Variants in MANBA observed in about 807,000 individuals in gnomAD.
MANBA encodes the protein beta-mannosidase.
Under a neutral mutation model 111.1 loss-of-function variants are expected in MANBA, and 83 were observed. That is an observed-to-expected ratio of 0.75 (90% CI 0.63 to 0.90). MANBA has a LOEUF of 0.90. Among genes scored for constraint, MANBA ranks in the 40% least tolerant of loss-of-function variants. The pLI, the probability that MANBA is intolerant of heterozygous loss-of-function variation, is 0.00. For missense variants in MANBA, 1,036 were observed against 1,069.0 expected, an observed-to-expected ratio of 0.97 and a Z score of 0.43; for synonymous variants, 370 against 378.7, an observed-to-expected ratio of 0.98 and a Z score of 0.27.
chr4:102,673,507 CA>C (rs879403766), intron 8 of MANBA, among the ~76,000 whole-genome samples: 1,382 of 112,360 alleles, frequency 0.012, 2 homozygotes, highest in African/African-American at 0.018. Flanking sequence ...GACTCCATCT[CA>C]AAAAAAAAAA....
At chr4:102,754,692 G>A (rs1385328993) in intron 1 of MANBA, among the ~76,000 whole-genome samples, 1 of 152,056 alleles carries the variant, frequency 6.6e-6, no homozygotes, top group East Asian at 1.9e-4. Context: ...GAGTAGCTGG[G>A]ACTACAGGTG....
intron 12 of MANBA, among the ~76,000 whole-genome samples, chr4:102,651,540 GA>G (rs1336059128): frequency 6.6e-6 from 1 of 152,126 alleles, no homozygotes; most frequent in African/African-American, 2.4e-5. Flanking sequence ...GGCTACATCT[GA>G]AAATATCCAG....
chr4:102,636,087 G>A, intron 14 of MANBA, 80 bp from the exon 15 acceptor site: 2 of 1,309,652 alleles, frequency 1.5e-6, no homozygotes, highest in South Asian at 2.4e-5. Flanking sequence ...GCTGTTTGTG[G>A]CTCATCGGGG....
intron 10 of MANBA, chr4:102,668,094 T>C (rs887690730): frequency 3.3e-5 from 5 of 152,210 alleles, no homozygotes; most frequent in Admixed American, 3.3e-4. Context: ...CCCACTCTGA[T>C]TCTACATGGA....
At chr4:102,699,018 CCT>C (rs2110254498) in intron 5 of MANBA, among the ~76,000 whole-genome samples, 2 of 152,166 alleles carry the variant, frequency 1.3e-5, no homozygotes, top group East Asian at 3.9e-4. Context: ...TTGTTTGTAT[CCT>C]CTTTTATTTC....
chr4:102,716,334 AAG>A (rs1722332364), intron 4 of MANBA, among the ~76,000 whole-genome samples: 7 of 151,100 alleles, frequency 4.6e-5, no homozygotes, highest in African/African-American at 1.7e-4. Context: ...AAAAAAAAAA[AAG>A]AATGAGGAAA....
chr4:102,698,384 G>T (rs532014680), intron 5 of MANBA, among the ~76,000 whole-genome samples: 120 of 150,184 alleles, frequency 8.0e-4, no homozygotes, highest in Non-Finnish European at 1.5e-3. Context: ...GTCAATTTTG[G>T]CTTTTGTTGC....
intron 13 of MANBA, among the ~76,000 whole-genome samples, chr4:102,643,464 G>A (rs1357292996): frequency 6.6e-6 from 1 of 152,032 alleles, no homozygotes; most frequent in East Asian, 1.9e-4. Context: ...AACTTTTTAA[G>A]GAATTAACAA....
chr4:102,652,659 G>A (rs1236850186), intron 12 of MANBA, among the ~76,000 whole-genome samples: 1 of 152,276 alleles, frequency 6.6e-6, no homozygotes, highest in African/African-American at 2.4e-5. Context: ...GGGAGGCTGA[G>A]GTGGGAGGAT....
At chr4:102,722,040 A>G (rs1722601016) in intron 4 of MANBA, among the ~76,000 whole-genome samples, 1 of 151,380 alleles carries the variant, frequency 6.6e-6, no homozygotes, top group African/African-American at 2.4e-5. Flanking sequence ...AAAAAAAAAA[A>G]AAAAAAAAAA....
chr4:102,631,928 G>T lies in MANBA; in HGVS notation c.*129C>A. The T allele has an allele frequency of 2.5e-6, 2 of 808,988 alleles. No homozygotes were observed. The highest frequency in any genetic ancestry group is 4.2e-6 in the Non-Finnish European group (2 of 477,662). The allele number at this position is 808,988 out of a possible 1,614,324, so 50.1% of individuals were successfully genotyped here. A position where few individuals can be genotyped will look rare whatever the true frequency, so the allele number is the denominator to read the frequency against. ...GTGTACAACTCTTCACAGAGCAATCGCTCAAATGCGTGGCAGCACGCAGAC... is the reference window on the plus strand; with the variant it reads ...GTGTACAACTCTTCACAGAGCAATCTCTCAAATGCGTGGCAGCACGCAGAC... On this transcript the variant is annotated 3_prime_UTR_variant, in exon 17 of 17. Transcript: ENST00000647097.
At chr4:102,658,148 T>A (rs1730658812) in intron 11 of MANBA, among the ~76,000 whole-genome samples, 1 of 152,214 alleles carries the variant, frequency 6.6e-6, no homozygotes, top group Non-Finnish European at 1.5e-5. Context: ...ATCTTTTCAA[T>A]CATGTTTTGC....
At chr4:102,715,077 C>T (rs1722267982) in intron 4 of MANBA, among the ~76,000 whole-genome samples, 1 of 152,234 alleles carries the variant, frequency 6.6e-6, no homozygotes. Context: ...AGGTGGCCCA[C>T]AATGATCCCC....
intron 13 of MANBA, among the ~76,000 whole-genome samples, chr4:102,641,748 TA>T (rs1729887417): frequency 6.6e-6 from 1 of 152,130 alleles, no homozygotes; most frequent in Admixed American, 6.5e-5. Flanking sequence ...ATTCTAACAT[TA>T]ATCTCCTCAC....
chr4:102,636,339 G>C (rs922316076), intron 14 of MANBA, among the ~76,000 whole-genome samples: 1 of 152,182 alleles, frequency 6.6e-6, no homozygotes, highest in African/African-American at 2.4e-5. Context: ...ATATGGTATA[G>C]CCTGTTGCTC....
chr4:102,740,467 A>C (rs1374477793), intron 1 of MANBA, among the ~76,000 whole-genome samples: 3 of 152,200 alleles, frequency 2.0e-5, no homozygotes, highest in East Asian at 3.8e-4. Context: ...TATAAAACTC[A>C]AAAGGAGCCT....
At chr4:102,669,840 C>G (rs1731410140) in intron 9 of MANBA, among the ~76,000 whole-genome samples, 1 of 151,870 alleles carries the variant, frequency 6.6e-6, no homozygotes, top group Non-Finnish European at 1.5e-5. Flanking sequence ...ATTAGCCGGG[C>G]AAGGTGGTGA....
At chr4:102,639,929 G>A in intron 13 of MANBA, 72 bp from the exon 14 acceptor site, 1 of 1,554,250 alleles carries the variant, frequency 6.4e-7, no homozygotes, top group Non-Finnish European at 8.9e-7. Context: ...GAAAAATACA[G>A]GGTTTAGTTT....
intron 1 of MANBA, among the ~76,000 whole-genome samples, chr4:102,753,233 T>C (rs538595642): frequency 1.3e-5 from 2 of 152,240 alleles, no homozygotes; most frequent in African/African-American, 4.8e-5. Context: ...TTTTATGTTA[T>C]ATTTGTCTCT....
Sources: allele counts gnomAD v4.1 joint callset (sites outside exome capture counted in the v4.1 genomes callset), GRCh38; gene constraint gnomAD v4.1.1; transcripts MANE v1.5; gene names NCBI Gene and HGNC (gene_info 2026-07-23, HGNC 2026-07-21).